GRM1: variants seen among roughly 807,000 people sequenced by gnomAD.
GRM1 encodes metabotropic glutamate receptor 1.
Under a neutral mutation model 90.9 loss-of-function variants are expected in GRM1, and 33 were observed. The observed-to-expected ratio is 0.36, with a 90% CI of 0.28 to 0.49. The LOEUF (loss-of-function observed/expected upper bound fraction) is 0.49, where lower values mean the gene tolerates loss of function less well. Among genes scored for constraint, GRM1 ranks in the 20% least tolerant of loss-of-function variants. The probability of loss-of-function intolerance (pLI) is 0.99; values close to 1 mark genes in which losing one functional copy is unlikely to be tolerated. For missense variants in GRM1, 1,190 were observed against 1,534.3 expected, an observed-to-expected ratio of 0.78 and a Z score of 3.75; for synonymous variants, 700 against 613.2, an observed-to-expected ratio of 1.14 and a Z score of -2.09.
At chr6:146,375,661 T>G (rs976935728) in intron 5 of GRM1, among the ~76,000 whole-genome samples, 2 of 152,114 alleles carry the variant, frequency 1.3e-5, no homozygotes, top group Non-Finnish European at 2.9e-5. Flanking sequence ...CTTCTTTGTC[T>G]CTTCTTATAG....
intron 1 of GRM1, among the ~76,000 whole-genome samples, chr6:146,146,624 G>C (rs138232465): frequency 6.6e-5 from 10 of 152,130 alleles, no homozygotes; most frequent in Non-Finnish European, 1.3e-4. Flanking sequence ...GTATTGAGAA[G>C]TAGAGCATTA....
At chr6:146,132,517 A>ATGT (rs1776444228) in intron 1 of GRM1, among the ~76,000 whole-genome samples, 1 of 152,156 alleles carries the variant, frequency 6.6e-6, no homozygotes, top group Non-Finnish European at 1.5e-5. Context: ...ACAGGTGTGC[A>ATGT]TGTGTGTGTG....
At chr6:146,287,626 T>C (rs1240190857) in intron 2 of GRM1, among the ~76,000 whole-genome samples, 1 of 152,196 alleles carries the variant, frequency 6.6e-6, no homozygotes, top group Non-Finnish European at 1.5e-5. Context: ...CTTGAAAATA[T>C]TGACCCAACT....
At chr6:146,409,394 C>T (rs1319486688) in intron 7 of GRM1, among the ~76,000 whole-genome samples, 1 of 152,062 alleles carries the variant, frequency 6.6e-6, no homozygotes, top group East Asian at 1.9e-4. Flanking sequence ...CTCCATGGCT[C>T]TGTTAGAGGA....
intron 1 of GRM1, among the ~76,000 whole-genome samples, chr6:146,138,943 T>G (rs1402001054): frequency 6.6e-6 from 1 of 152,078 alleles, no homozygotes; most frequent in African/African-American, 2.4e-5. Context: ...GTTCTTTTTT[T>G]TTTAATGTAG....
chr6:146,398,773 T>TGAGC lies in GRM1; in HGVS notation c.1735_1738dup (p.Pro580ArgfsTer9). ...AAATGATTTTTCTCATCACAGGCTG[T>TGAGC]GAGCCCATTCCTGTGCGCTATCTTG... On this transcript the variant is annotated frameshift_variant, in exon 7 of 8. Coordinates refer to ENST00000282753, the MANE Select transcript of GRM1 (RefSeq NM_001278064.2). LOFTEE classifies it high-confidence loss of function. 1 of 1,606,878 alleles carries TGAGC rather than the reference T, an allele frequency of 6.2e-7. No homozygotes were observed. Among genetic ancestry groups the TGAGC allele is most frequent in the Non-Finnish European group, 8.5e-7 (1 of 1,173,358 alleles).
intron 1 of GRM1, among the ~76,000 whole-genome samples, chr6:146,117,523 T>A (rs1775798437): frequency 6.6e-6 from 1 of 152,060 alleles, no homozygotes; most frequent in South Asian, 2.1e-4. Flanking sequence ...ACATCTAATT[T>A]ATTTTTCTTG....
intron 2 of GRM1, among the ~76,000 whole-genome samples, chr6:146,264,865 T>C (rs1781823004): frequency 6.6e-6 from 1 of 152,140 alleles, no homozygotes; most frequent in Non-Finnish European, 1.5e-5. Context: ...AAGACATGAT[T>C]TTATTCTTTT....
chr6:146,398,441 G>C (rs2114578219), intron 6 of GRM1, among the ~76,000 whole-genome samples: 1 of 152,210 alleles, frequency 6.6e-6, no homozygotes, highest in Admixed American at 6.5e-5. Flanking sequence ...AGTTTTATTT[G>C]GGTGTTTTCT....
intron 2 of GRM1, among the ~76,000 whole-genome samples, chr6:146,163,429 C>T (rs948993713): frequency 6.6e-6 from 1 of 152,168 alleles, no homozygotes; most frequent in East Asian, 1.9e-4. Flanking sequence ...GTTCTAAGAA[C>T]TTTGCACATA....
chr6:146,359,927 G>A (rs988481924), intron 5 of GRM1, among the ~76,000 whole-genome samples: 3 of 152,158 alleles, frequency 2.0e-5, no homozygotes, highest in East Asian at 1.9e-4. Context: ...AACCTGGAAT[G>A]GAGGTGAGGG....
intron 1 of GRM1, among the ~76,000 whole-genome samples, chr6:146,117,545 A>G (rs181735036): frequency 4.8e-4 from 73 of 151,692 alleles, no homozygotes; most frequent in African/African-American, 1.7e-3. Context: ...GATCACTTCT[A>G]TATTTTATTT....
At chr6:146,161,674 A>G (rs1248547389) in intron 2 of GRM1, among the ~76,000 whole-genome samples, 1 of 152,186 alleles carries the variant, frequency 6.6e-6, no homozygotes, top group Non-Finnish European at 1.5e-5. Context: ...AATCATTGAG[A>G]TGACAAAGCT....
chr6:146,183,416 C>T (rs747090031), intron 2 of GRM1, among the ~76,000 whole-genome samples: 4 of 152,158 alleles, frequency 2.6e-5, no homozygotes, highest in Non-Finnish European at 4.4e-5. Context: ...TGGGAGACAA[C>T]TGTCATTTTC....
chr6:146,325,145 C>T (rs1784359559), intron 3 of GRM1, among the ~76,000 whole-genome samples: 5 of 152,192 alleles, frequency 3.3e-5, no homozygotes, highest in Admixed American at 3.3e-4. Context: ...TCAGGCATTA[C>T]TGTCCTGAGT....
intron 2 of GRM1, among the ~76,000 whole-genome samples, chr6:146,213,721 T>G (rs73783642): frequency 6.7e-5 from 10 of 148,984 alleles, no homozygotes; most frequent in East Asian, 3.9e-4. Flanking sequence ...GATAGATAGA[T>G]AGATAGATAG....
At chr6:146,254,219 C>A (rs144348608) in intron 2 of GRM1, among the ~76,000 whole-genome samples, 1 of 152,222 alleles carries the variant, frequency 6.6e-6, no homozygotes, top group African/African-American at 2.4e-5. Flanking sequence ...GATGCCACTG[C>A]AAGAAAGAGT....
chr6:146,364,526 C>T (rs1007629086), intron 5 of GRM1, among the ~76,000 whole-genome samples: 2 of 152,182 alleles, frequency 1.3e-5, no homozygotes, highest in African/African-American at 4.8e-5. Flanking sequence ...TATTTCATGC[C>T]TACTAACGTG....
chr6:146,212,038 C>A (rs1349351383), intron 2 of GRM1, among the ~76,000 whole-genome samples: 1 of 152,200 alleles, frequency 6.6e-6, no homozygotes, highest in African/African-American at 2.4e-5. Context: ...GCAGAAGTTG[C>A]TGTCCACAGG....
Sources: gnomAD v4.1 joint callset for allele counts (sites outside exome capture counted in the v4.1 genomes callset) on GRCh38, gnomAD v4.1.1 for gene constraint, MANE v1.5 for transcripts, NCBI Gene and HGNC (gene_info 2026-07-23, HGNC 2026-07-21) for gene names.